PHC3: variants seen among roughly 807,000 people sequenced by gnomAD.
PHC3 encodes polyhomeotic-like protein 3.
PHC3 carries 13 observed loss-of-function variants against 107.4 expected under a neutral mutation model. That is an observed-to-expected ratio of 0.12 (90% CI 0.08 to 0.19). PHC3 has a LOEUF of 0.19. Ranked by LOEUF, PHC3 falls within the 10% of genes least tolerant of loss-of-function variation. The probability of loss-of-function intolerance (pLI) is 1.00; values close to 1 mark genes in which losing one functional copy is unlikely to be tolerated. For missense variants in PHC3, 992 were observed against 1,210.9 expected (o/e 0.82, Z 2.68); for synonymous variants, 456 against 427.4 (o/e 1.07, Z -0.83).
chr3:170,158,348 G>A (rs756235028), intron 4 of PHC3, among the ~76,000 whole-genome samples: 3 of 152,080 alleles, frequency 2.0e-5, no homozygotes, highest in Non-Finnish European at 4.4e-5. Context: ...GGGTGACAGA[G>A]ACTCCATCTC....
chr3:170,153,335 T>A (rs1418412230), intron 4 of PHC3, among the ~76,000 whole-genome samples: 4 of 152,180 alleles, frequency 2.6e-5, no homozygotes, highest in African/African-American at 7.2e-5. Flanking sequence ...CATCACTTAG[T>A]TTGAGACTTT....
chr3:170,146,887 T>C (rs1577154975), intron 5 of PHC3, among the ~76,000 whole-genome samples: 3 of 144,342 alleles, frequency 2.1e-5, no homozygotes, highest in Admixed American at 2.0e-4. Context: ...CTTTTTTTTT[T>C]TTTTTTTTTT....
chr3:170,091,345 C>T lies in PHC3; in HGVS notation c.*5885G>A, dbSNP rs1714071581. 6.6e-6 allele frequency: 1 copy of T among 152,102 alleles called. No individual in the cohort carries two copies. The highest frequency in any genetic ancestry group is 1.5e-5 in the Non-Finnish European group (1 of 67,990). The allele number at this position is 152,102 out of a possible 1,614,324, so 9.4% of individuals were successfully genotyped here. A position where few individuals can be genotyped will look rare whatever the true frequency, so the allele number is the denominator to read the frequency against. On this transcript the variant is annotated 3_prime_UTR_variant, in exon 15 of 15. Transcript: ENST00000495893. ...TCATTACTCTGCTTTTTTTAAACAA[C>T]AAATTTTGTTTTCTTTCTATGGATT...
At chr3:170,102,011 AT>A (rs915384523) in intron 14 of PHC3, among the ~76,000 whole-genome samples, 4 of 152,180 alleles carry the variant, frequency 2.6e-5, no homozygotes, top group Admixed American at 6.5e-5. Flanking sequence ...AAGAAACCAA[AT>A]TTTTACATTT....
At chr3:170,165,753 C>CAAAAA (rs1201987701) in intron 4 of PHC3, among the ~76,000 whole-genome samples, 3 of 41,114 alleles carry the variant, frequency 7.3e-5, no homozygotes, top group African/African-American at 2.7e-4. Flanking sequence ...GACCTTGTCT[C>CAAAAA]AAAAAAAAAA....
chr3:170,177,459 A>G (rs1054466673), intron 2 of PHC3, among the ~76,000 whole-genome samples: 43 of 151,992 alleles, frequency 2.8e-4, no homozygotes, highest in African/African-American at 9.7e-4. Context: ...CTCTGCCGCC[A>G]GGGTTCAAGT....
chr3:170,172,594 A>G lies in PHC3; in HGVS notation c.299T>C (p.Leu100Ser). The change falls in exon 3 of 15, where the codon TTA becomes TCA. Residue 100 changes from leucine (L) to serine (S), a missense_variant. Leu to Ser is a moderately radical substitution (Grantham distance 145, BLOSUM62 -2). This residue lies in a region of PHC3 where 161 missense variants were observed against 183.7 expected (regional missense o/e 0.88). Coordinates refer to ENST00000495893, the MANE Select transcript of PHC3 (RefSeq NM_024947.4). ...LHTAALQQQHLSSSQLQSLAA... is the reference protein window; with the variant it reads ...LHTAALQQQHSSSSQLQSLAA... ...AAGGCTCTGAAGCTGGGAGCTGCTT[A>G]AATGCTGCTGCTGAAGAGCTGCAGT... The G allele has an allele frequency of 6.2e-7, 1 of 1,613,716 alleles. No homozygotes were observed. The highest frequency in any genetic ancestry group is 1.1e-5 in the South Asian group (1 of 91,052).
intron 2 of PHC3, among the ~76,000 whole-genome samples, chr3:170,177,203 A>G (rs73181231): frequency 0.024 from 3,718 of 152,254 alleles, 49 homozygotes; most frequent in Non-Finnish European, 0.035. Flanking sequence ...CCCTAAGTCT[A>G]TATTTTGAGT....
At chr3:170,181,241 G>A (rs1218351219) in intron 1 of PHC3, among the ~76,000 whole-genome samples, 1 of 152,226 alleles carries the variant, frequency 6.6e-6, no homozygotes, top group African/African-American at 2.4e-5. Context: ...CGCTGAGGAG[G>A]AGTGGGGTGG....
chr3:170,166,811 C>T (rs1477038389), intron 4 of PHC3, among the ~76,000 whole-genome samples: 1 of 152,022 alleles, frequency 6.6e-6, no homozygotes, highest in Non-Finnish European at 1.5e-5. Context: ...ACTGCAGGCA[C>T]ACACCACCAC....
chr3:170,123,799 A>C (rs1053175214), intron 8 of PHC3, among the ~76,000 whole-genome samples: 1 of 152,104 alleles, frequency 6.6e-6, no homozygotes, highest in African/African-American at 2.4e-5. Context: ...TCTCAAAAAA[A>C]AGAAAAAGGA....
chr3:170,097,123 G>T lies in PHC3; in HGVS notation c.*107C>A. The T allele has an allele frequency of 9.4e-7, 1 of 1,061,010 alleles. No homozygotes were observed. Among genetic ancestry groups the T allele is most frequent in the Non-Finnish European group, 1.3e-6 (1 of 767,860 alleles). The allele number at this position is 1,061,010 out of a possible 1,614,324, so 65.7% of individuals were successfully genotyped here. A position where few individuals can be genotyped will look rare whatever the true frequency, so the allele number is the denominator to read the frequency against. On this transcript the variant is annotated 3_prime_UTR_variant, in exon 15 of 15. Coordinates refer to ENST00000495893, the MANE Select transcript of PHC3 (RefSeq NM_024947.4). This position sits in a 1 kb window ranked among gnomAD's most constrained non-coding sequence, Gnocchi z 4.1. ...TGATGTGGAGATCCCAATGTGCTTG[G>T]CTATCCACCACAATAAGTGTCATAT...
chr3:170,101,896 GCTCT>G (rs200225269), intron 14 of PHC3, among the ~76,000 whole-genome samples: 1,944 of 152,078 alleles, frequency 0.013, 42 homozygotes, highest in African/African-American at 0.043. Context: ...TTGAATTTCA[GCTCT>G]CTATTTGAAA....
Position 170,092,154 on chromosome 3 carries a change from C to G in PHC3, c.*5076G>C, listed in dbSNP as rs1714168255. 1 of 152,142 alleles carries G rather than the reference C, an allele frequency of 6.6e-6. No individual in the cohort carries two copies. Among genetic ancestry groups the G allele is most frequent in the African/African-American group, 2.4e-5 (1 of 41,410 alleles). 9.4% of individuals were successfully genotyped at this position (152,142 alleles called of 1,614,324 possible). ...AGCTGGAATTACAGGTGCATGCCACCACACCCAGCTAATTTTTGTGTTTTT... is the reference window on the plus strand; with the variant it reads ...AGCTGGAATTACAGGTGCATGCCACGACACCCAGCTAATTTTTGTGTTTTT... On this transcript the variant is annotated 3_prime_UTR_variant, in exon 15 of 15. Coordinates refer to ENST00000495893, the MANE Select transcript of PHC3 (RefSeq NM_024947.4).
At chr3:170,147,335 G>A (rs938808566) in intron 5 of PHC3, 1 of 151,462 alleles carries the variant, frequency 6.6e-6, no homozygotes, top group African/African-American at 2.4e-5. Context: ...TCAACCAAAT[G>A]CGGATCCAAA....
chr3:170,129,679 A>T, intron 7 of PHC3, 127 bp from the exon 8 acceptor site: 1 of 1,082,704 alleles, frequency 9.2e-7, no homozygotes, highest in Non-Finnish European at 1.3e-6. Context: ...AAGTTTTCCA[A>T]ACAAGAGTAA....
intron 11 of PHC3, among the ~76,000 whole-genome samples, chr3:170,107,302 A>G (rs1453604094): frequency 1.3e-5 from 2 of 152,210 alleles, no homozygotes; most frequent in Non-Finnish European, 2.9e-5. Flanking sequence ...CACTTTCAAA[A>G]AGCTGAGGGT....
In PHC3 at chr3:170,117,219, T is replaced by C. The variant is rs1430493911; in HGVS notation, c.2193+7A>G. ...CAAACACACACACAAATATGCTTGC[T>C]ACTTACAGGAAATGGCTCCAATCCC... On this transcript the variant is annotated splice_region_variant and intron_variant, in intron 10 of 14. Transcript: ENST00000495893. 1 of 1,614,010 alleles carries C rather than the reference T, an allele frequency of 6.2e-7. No homozygotes were observed. Among genetic ancestry groups the C allele is most frequent in the East Asian group, 2.2e-5 (1 of 44,880 alleles).
chr3:170,176,635 T>A (rs1434356669), intron 2 of PHC3, among the ~76,000 whole-genome samples: 1 of 152,206 alleles, frequency 6.6e-6, no homozygotes, highest in Non-Finnish European at 1.5e-5. Flanking sequence ...TTCCCATCAG[T>A]AAAATGGAGA....
Sources: gnomAD v4.1 joint callset for allele counts (sites outside exome capture counted in the v4.1 genomes callset) on GRCh38, gnomAD v4.1.1 for gene constraint, gnomAD v4.1.1 regional missense constraint, Gnocchi (gnomAD v3.1) non-coding constraint, MANE v1.5 for transcripts, NCBI Gene and HGNC (gene_info 2026-07-23, HGNC 2026-07-21) for gene names.